Variants in EML4 observed in about 807,000 individuals in gnomAD.
EML4 encodes EMAP like 4, also known as echinoderm microtubule-associated protein-like 4.
A neutral mutation model predicts 129.0 loss-of-function variants in EML4; 72 were observed. The observed-to-expected ratio is 0.56, with a 90% CI of 0.46 to 0.68. EML4 has a LOEUF of 0.68. Among genes scored for constraint, EML4 ranks in the 30% least tolerant of loss-of-function variants. EML4 has a pLI of 0.00. For synonymous variants in EML4, 532 were observed against 405.0 expected, an observed-to-expected ratio of 1.31 and a Z score of -3.77; for missense variants, 1,363 against 1,190.6, an observed-to-expected ratio of 1.14 and a Z score of -2.13.
At chr2:42,304,024 CATTAATT>C (rs1233073929) in intron 16 of EML4, among the ~76,000 whole-genome samples, 1 of 152,172 alleles carries the variant, frequency 6.6e-6, no homozygotes, top group Non-Finnish European at 1.5e-5. Flanking sequence ...ATCTACATAG[CATTAATT>C]ATTATGGAAA....
chr2:42,208,439 C>G (rs1244163228), intron 1 of EML4, among the ~76,000 whole-genome samples: 5 of 146,526 alleles, frequency 3.4e-5, no homozygotes, highest in African/African-American at 1.2e-4. Flanking sequence ...TTTTTCTTTT[C>G]TTTTCTTTTT....
At chr2:42,256,719 G>A (rs1676178306) in intron 3 of EML4, 89 bp downstream of exon 3, 1 of 1,492,994 alleles carries the variant, frequency 6.7e-7, no homozygotes, top group East Asian at 2.3e-5. Context: ...ATGAAATAGA[G>A]CTGTTTGAAT....
At chr2:42,185,005 T>G (rs915307188) in intron 1 of EML4, among the ~76,000 whole-genome samples, 3 of 152,204 alleles carry the variant, frequency 2.0e-5, no homozygotes, top group African/African-American at 7.2e-5. Flanking sequence ...ACTTTTTGTT[T>G]TTATGTAATC....
chr2:42,194,712 A>G (rs1572858051), intron 1 of EML4, among the ~76,000 whole-genome samples: 1 of 151,730 alleles, frequency 6.6e-6, no homozygotes, highest in East Asian at 1.9e-4. Flanking sequence ...TATTTTTACC[A>G]TGTTGCCCAG....
intron 19 of EML4, chr2:42,325,060 G>A (rs1669713389): frequency 2.7e-6 from 1 of 364,966 alleles, no homozygotes; most frequent in African/African-American, 2.1e-5. Flanking sequence ...AGTAGCCCAG[G>A]AAAACTGTAT....
At chr2:42,184,181 C>G (rs1475550685) in intron 1 of EML4, among the ~76,000 whole-genome samples, 1 of 152,144 alleles carries the variant, frequency 6.6e-6, no homozygotes, top group African/African-American at 2.4e-5. Context: ...TCTATTCTTA[C>G]TTAACCTGTA....
At chr2:42,309,932 C>T (rs1032424096) in intron 17 of EML4, among the ~76,000 whole-genome samples, 3 of 152,102 alleles carry the variant, frequency 2.0e-5, no homozygotes, top group East Asian at 3.8e-4. Context: ...ATATTTACTT[C>T]TATGTTTTCT....
intron 17 of EML4, among the ~76,000 whole-genome samples, chr2:42,309,836 C>G (rs1038816818): frequency 6.6e-6 from 1 of 152,162 alleles, no homozygotes; most frequent in African/African-American, 2.4e-5. Context: ...GGTCTTTTCA[C>G]TTTCTTGATG....
chr2:42,238,278 A>G (rs1255022172), intron 1 of EML4, among the ~76,000 whole-genome samples: 6 of 152,236 alleles, frequency 3.9e-5, no homozygotes, highest in South Asian at 2.1e-4. Flanking sequence ...TGTTTTTAAA[A>G]TAGAAGAGGT....
At chr2:42,197,206 G>A (rs571836946) in intron 1 of EML4, among the ~76,000 whole-genome samples, 45 of 152,150 alleles carry the variant, frequency 3.0e-4, no homozygotes, top group Middle Eastern at 3.4e-3. Context: ...GGCACCACAG[G>A]CACGCACCAC....
At chr2:42,174,369 C>A (rs1670450945) in intron 1 of EML4, among the ~76,000 whole-genome samples, 1 of 152,070 alleles carries the variant, frequency 6.6e-6, no homozygotes, top group South Asian at 2.1e-4. Flanking sequence ...CAGCTCACTG[C>A]AACCTCTGCC....
chr2:42,178,636 AAAC>A (rs1255824862), intron 1 of EML4, among the ~76,000 whole-genome samples: 2 of 152,210 alleles, frequency 1.3e-5, no homozygotes, highest in African/African-American at 4.8e-5. Flanking sequence ...TGGGAGCCAA[AAAC>A]AACAACTGCA....
chr2:42,323,984 GAAGAA>G (rs905044721), intron 19 of EML4, among the ~76,000 whole-genome samples: 1 of 148,654 alleles, frequency 6.7e-6, no homozygotes, highest in Non-Finnish European at 1.5e-5. Flanking sequence ...AGTCTTAGAG[GAAGAA>G]AAGAATAGGT....
intron 1 of EML4, 80 bp downstream of exon 1, chr2:42,169,716 C>T: frequency 6.7e-6 from 10 of 1,492,554 alleles, no homozygotes; most frequent in South Asian, 1.2e-5. Context: ...AGGCCCTGCC[C>T]TCCCGCCTGC....
In EML4 at chr2:42,264,705, G is replaced by A. The variant is rs1218903679; in HGVS notation, c.642-1G>A. The A allele has an allele frequency of 5.6e-6, 8 of 1,419,442 alleles. No homozygotes were observed. The highest frequency in any genetic ancestry group is 1.4e-5 in the African/African-American group (1 of 69,900). 87.9% of individuals were successfully genotyped at this position (1,419,442 alleles called of 1,614,324 possible). ...ATGTGTTTCTTAAATTTCTTTTCTA[G>A]GCATAAAGATGTCATCATCAACCAA... On this transcript the variant is annotated splice_acceptor_variant, in intron 5 of 22. Coordinates refer to ENST00000318522, the MANE Select transcript of EML4 (RefSeq NM_019063.5). LOFTEE classifies it high-confidence loss of function.
rs752248895 is a variant in EML4, at chr2:42,325,520, A to C, written c.2208A>C (p.Ile736=). 6.4e-7 allele frequency: 1 copy of C among 1,569,336 alleles called. No homozygotes were observed. Among genetic ancestry groups the C allele is most frequent in the Non-Finnish European group, 8.7e-7 (1 of 1,147,808 alleles). The change falls in exon 20 of 23, where the codon ATA becomes ATC. Residue 736 remains isoleucine (I), a synonymous_variant. Transcript: ENST00000318522. ...ACTGGTCCCCAGACAACAAGTATATAATGTCTAACTCGGGAGACTATGAAA... is the reference window on the plus strand; with the variant it reads ...ACTGGTCCCCAGACAACAAGTATATCATGTCTAACTCGGGAGACTATGAAA... ...HLDWSPDNKY[I]MSNSGDYEIL... is the part of the protein sequence containing the mutation.
intron 1 of EML4, among the ~76,000 whole-genome samples, chr2:42,176,101 T>C (rs1243022594): frequency 1.3e-5 from 2 of 152,064 alleles, no homozygotes; most frequent in African/African-American, 4.8e-5. Flanking sequence ...CATACCTGAA[T>C]CTGAACTTCT....
chr2:42,318,746 A>G (rs1468548933), intron 19 of EML4, among the ~76,000 whole-genome samples: 1 of 151,938 alleles, frequency 6.6e-6, no homozygotes, highest in Non-Finnish European at 1.5e-5. Context: ...TTCACTTTTG[A>G]GACAGGGTCT....
intron 1 of EML4, among the ~76,000 whole-genome samples, chr2:42,179,487 A>T (rs766137762): frequency 2.6e-5 from 4 of 152,204 alleles, no homozygotes; most frequent in African/African-American, 4.8e-5. Flanking sequence ...AACTGTCTTC[A>T]GGTTATGTAA....
Sources: allele counts gnomAD v4.1 joint callset (sites outside exome capture counted in the v4.1 genomes callset), GRCh38; gene constraint gnomAD v4.1.1; transcripts MANE v1.5; gene names NCBI Gene and HGNC (gene_info 2026-07-23, HGNC 2026-07-21).